The following TRRAP variants were observed in gnomAD, a reference collection of about 807,000 sequenced individuals.
TRRAP encodes the protein transformation/transcription domain-associated protein.
In TRRAP, 41 loss-of-function variants were observed where a neutral mutation model predicts 438.8. The observed-to-expected ratio is 0.09, with a 90% CI of 0.07 to 0.12. TRRAP has a LOEUF of 0.12. TRRAP is among the 10% of genes least tolerant of loss of function. The probability of loss-of-function intolerance (pLI) is 1.00; values close to 1 mark genes in which losing one functional copy is unlikely to be tolerated. For missense variants in TRRAP, 3,122 were observed against 5,055.1 expected, an observed-to-expected ratio of 0.62 and a Z score of 11.60; for synonymous variants, 1,994 against 1,962.9, an observed-to-expected ratio of 1.02 and a Z score of -0.42.
Position 98,906,984 on chromosome 7 carries a change from A to C in TRRAP, c.1115+729A>C, listed in dbSNP as rs533755742. The stretch of plus-strand genomic sequence containing the variant: ...GATGGAGTAATGTTGCTAATATCTT[A>C]ATGTATGTCCGTATAATCTTTGTTT... On this transcript the variant is annotated intron_variant, in intron 13 of 72. Transcript: ENST00000456197. Among the ~76,000 whole-genome samples, 99 of 151,954 alleles carry C rather than the reference A, an allele frequency of 6.5e-4. 1 individual carries two copies. The highest frequency in any genetic ancestry group is 2.4e-3 in the African/African-American group (98 of 41,454).
chr7:98,965,858 A>G lies in TRRAP; in HGVS notation c.7139A>G (p.Glu2380Gly), dbSNP rs949940760. 1.9e-6 allele frequency: 3 copies of G among 1,614,082 alleles called. No homozygotes were observed. The highest frequency in any genetic ancestry group is 2.5e-6 in the Non-Finnish European group (3 of 1,180,044). The part of the protein sequence containing the change: ...ILRAVVKIVE[E>G]WVKNNSPMAA... Reference sequence around the variant, plus strand: ...CGGGCTGTGGTCAAAATCGTGGAAGAATGGGTCAAGAATAACTCCCCAATG... The same window carrying G: ...CGGGCTGTGGTCAAAATCGTGGAAGGATGGGTCAAGAATAACTCCCCAATG... The change falls in exon 49 of 73, where the codon GAA becomes GGA. Residue 2380 changes from glutamate (E) to glycine (G), a missense_variant. Physicochemically the swap from Glu to Gly is moderately conservative, Grantham distance 98. This residue lies in a region of TRRAP where 992 missense variants were observed against 1,281.2 expected (regional missense o/e 0.77). Coordinates refer to ENST00000456197, the MANE Select transcript of TRRAP (RefSeq NM_001375524.1).
chr7:98,887,033 A>G (rs930392618), intron 3 of TRRAP, among the ~76,000 whole-genome samples: 1 of 152,170 alleles, frequency 6.6e-6, no homozygotes. Context: ...CCCAAGTAGC[A>G]GGGACTACAG....
At chr7:98,936,494 A>G (rs58148575) in intron 28 of TRRAP, among the ~76,000 whole-genome samples, 4,560 of 152,282 alleles carry the variant, frequency 0.03, 233 homozygotes, top group African/African-American at 0.1. Flanking sequence ...GTCACCTGAC[A>G]TAGAAGGTTG....
At chr7:98,934,292 G>A (rs1404413875) in intron 27 of TRRAP, among the ~76,000 whole-genome samples, 1 of 152,148 alleles carries the variant, frequency 6.6e-6, no homozygotes, top group African/African-American at 2.4e-5. Flanking sequence ...AATTCTTCCA[G>A]GTCCATACTG....
intron 3 of TRRAP, among the ~76,000 whole-genome samples, chr7:98,887,822 G>C (rs74833373): frequency 0.01 from 1,545 of 149,180 alleles, 29 homozygotes; most frequent in African/African-American, 0.035. Flanking sequence ...TTCCTTTATA[G>C]ACCCCTCTTC....
intron 3 of TRRAP, among the ~76,000 whole-genome samples, chr7:98,883,891 G>A (rs144981855): frequency 2.0e-5 from 3 of 152,122 alleles, no homozygotes; most frequent in African/African-American, 4.8e-5. Context: ...TATCTCCCTC[G>A]GAAGAATGTC....
rs978270634 is a variant in TRRAP at position 98,965,704 on chromosome 7, G to A, written c.6985G>A (p.Glu2329Lys). 6.2e-7 allele frequency: 1 copy of A among 1,614,040 alleles called. No homozygotes were observed. Among genetic ancestry groups the A allele is most frequent in the Non-Finnish European group, 8.5e-7 (1 of 1,180,036 alleles). The change falls in exon 49 of 73, where the codon GAG (glutamate) becomes AAG (lysine). Residue 2329 changes from glutamate to lysine, a missense_variant. Physicochemically the swap from Glu to Lys is moderately conservative, Grantham distance 56. This residue lies in a region of TRRAP where 992 missense variants were observed against 1,281.2 expected (regional missense o/e 0.77). Coordinates refer to ENST00000456197, the MANE Select transcript of TRRAP (RefSeq NM_001375524.1). ...GSTEATSGTS[E>K]LVMLSLELVK... ...TTAATTGGGGCGAGCAGGTACAAGC[G>A]AGCTGGTGATGCTGAGTCTGGAGCT...
intron 36 of TRRAP, 29 bp from the exon 37 acceptor site, chr7:98,949,631 C>A: frequency 6.3e-7 from 1 of 1,599,976 alleles, no homozygotes; most frequent in Non-Finnish European, 8.5e-7. Flanking sequence ...AATCGAGACA[C>A]GGTTCCCTAA....
intron 44 of TRRAP, among the ~76,000 whole-genome samples, chr7:98,958,541 C>A (rs1209795562): frequency 6.6e-6 from 1 of 152,174 alleles, no homozygotes; most frequent in African/African-American, 2.4e-5. Context: ...CTCAAGTGAT[C>A]CACCCACCTT....
chr7:98,958,754 A>G (rs770808794), intron 44 of TRRAP, among the ~76,000 whole-genome samples: 2 of 152,146 alleles, frequency 1.3e-5, no homozygotes, highest in Non-Finnish European at 2.9e-5. Flanking sequence ...CATCCTTAAG[A>G]TGGGAACGGT....
Position 98,962,324 on chromosome 7 carries a change from A to C in TRRAP, c.6726A>C (p.Lys2242Asn). ...TEPSTSSVAS[K>N]YEELECLYAA... ...TAGGTACTTCCAGTGTGGCCTCCAA[A>C]TATGAAGAGCTGGAGTGCCTCTACG... The change falls in exon 47 of 73, where the codon AAA becomes AAC. Residue 2242 changes from lysine to asparagine, a missense_variant. This residue lies in a region of TRRAP where 992 missense variants were observed against 1,281.2 expected (regional missense o/e 0.77). Transcript: ENST00000456197. 1 of 1,614,126 alleles carries C rather than the reference A, an allele frequency of 6.2e-7. No homozygotes were observed. The highest frequency in any genetic ancestry group is 8.5e-7 in the Non-Finnish European group (1 of 1,180,008).
chr7:98,926,001 G>T (rs1451704506), intron 22 of TRRAP, among the ~76,000 whole-genome samples: 1 of 152,186 alleles, frequency 6.6e-6, no homozygotes, highest in African/African-American at 2.4e-5. Context: ...TGCTTAGAAT[G>T]TTTAAATTAA....
intron 65 of TRRAP, among the ~76,000 whole-genome samples, chr7:98,993,025 A>G (rs568406387): frequency 6.6e-6 from 1 of 152,340 alleles, no homozygotes. Flanking sequence ...TCTCACAGGG[A>G]AAAATGACCG....
rs1792209909 is a variant in TRRAP, at chr7:98,967,524, T to G, written c.7338T>G (p.Leu2446=). ...TLSGSELTAK[L]EPAFLSGLRC... is the part of the protein sequence containing the mutation. ...CTGGCAGCGAGCTGACGGCGAAACT[T>G]GAGCCTGCCTTTCTCTCTGGGCTGC... Residue 2446 remains leucine (L), a synonymous_variant, in exon 51 of 73, where the codon CTT becomes CTG. Transcript: ENST00000456197. The G allele has an allele frequency of 1.9e-6, 3 of 1,614,064 alleles. No homozygotes were observed. The highest frequency in any genetic ancestry group is 1.7e-6 in the Non-Finnish European group (2 of 1,180,028).
chr7:98,991,723 T>C (rs1793441042), intron 64 of TRRAP, among the ~76,000 whole-genome samples: 1 of 152,238 alleles, frequency 6.6e-6, no homozygotes, highest in African/African-American at 2.4e-5. Context: ...AGAATAAAGT[T>C]ATTTGATAAT....
In TRRAP at chr7:98,892,540, GAATT is replaced by G; in HGVS notation, c.366+17_366+20del. 5.0e-6 allele frequency: 8 copies of G among 1,590,024 alleles called. No homozygotes were observed. Among genetic ancestry groups the G allele is most frequent in the African/African-American group, 1.4e-5 (1 of 73,882 alleles). The stretch of plus-strand genomic sequence containing the variant: ...TTCGCTTTTTAGAGGTAAGTTTTGA[GAATT>G]AATTCTTGTCGTATAGCCGTATGTA... On this transcript the variant is annotated intron_variant, in intron 5 of 72. Transcript: ENST00000456197.
chr7:98,956,062 T>G lies in TRRAP; in HGVS notation c.5938-84T>G, dbSNP rs1791586099. On this transcript the variant is annotated intron_variant, in intron 41 of 72. Transcript: ENST00000456197. This position sits in a 1 kb window ranked among gnomAD's most constrained non-coding sequence, Gnocchi z 4.5. The stretch of plus-strand genomic sequence containing the variant: ...TTGGGGCTGAGAGGCATGTCGGGGG[T>G]GTGTGTGTGCACGTGCGCACACGTG... The G allele has an allele frequency of 3.5e-6, 5 of 1,439,650 alleles. No individual in the cohort carries two copies. The highest frequency in any genetic ancestry group is 2.7e-5 in the South Asian group (2 of 73,036). The allele number at this position is 1,439,650 out of a possible 1,614,324, so 89.2% of individuals were successfully genotyped here.
intron 30 of TRRAP, among the ~76,000 whole-genome samples, chr7:98,940,815 T>TG (rs1232143749): frequency 2.0e-5 from 3 of 152,238 alleles, no homozygotes; most frequent in Admixed American, 6.5e-5. Flanking sequence ...CCAGAGGCAG[T>TG]GGTAAGGGAC....
intron 28 of TRRAP, 38 bp from the exon 29 acceptor site, chr7:98,937,118 A>C (rs782602551): frequency 6.4e-7 from 1 of 1,562,234 alleles, no homozygotes; most frequent in South Asian, 1.2e-5. Flanking sequence ...GCATCTTTCC[A>C]GTTAATAATG....
Sources: allele counts gnomAD v4.1 joint callset (sites outside exome capture counted in the v4.1 genomes callset), GRCh38; gene constraint gnomAD v4.1.1; regional missense constraint gnomAD v4.1.1; non-coding constraint Gnocchi (gnomAD v3.1); transcripts MANE v1.5; gene names NCBI Gene and HGNC (gene_info 2026-07-23, HGNC 2026-07-21).